HAO1: variants seen among roughly 807,000 people sequenced by gnomAD.
HAO1 encodes the protein hydroxyacid oxidase 1.
Under a neutral mutation model 39.7 loss-of-function variants are expected in HAO1, and 34 were observed. The observed-to-expected ratio is 0.86, with a 90% CI of 0.65 to 1.14. HAO1 has a LOEUF of 1.14. HAO1 is among the 50% of genes most tolerant of loss of function. The probability of loss-of-function intolerance (pLI) is 0.00; values close to 1 mark genes in which losing one functional copy is unlikely to be tolerated. For missense variants in HAO1, 479 were observed against 464.5 expected (o/e 1.03, Z -0.29); for synonymous variants, 172 against 173.2 (o/e 0.99, Z 0.05).
chr20:7,912,249 A>C (rs904452806), intron 3 of HAO1, among the ~76,000 whole-genome samples: 1 of 152,148 alleles, frequency 6.6e-6, no homozygotes, highest in Non-Finnish European at 1.5e-5. Context: ...GGGGAAAGCA[A>C]ATCAACCTTC....
At chr20:7,896,111 C>A (rs773574754) in intron 4 of HAO1, among the ~76,000 whole-genome samples, 4 of 150,340 alleles carry the variant, frequency 2.7e-5, no homozygotes, top group Non-Finnish European at 4.4e-5. Context: ...CATCTCTAAT[C>A]ATGTTTTAAA....
chr20:7,919,135 C>T (rs1026183385), intron 2 of HAO1, among the ~76,000 whole-genome samples: 6 of 152,124 alleles, frequency 3.9e-5, no homozygotes, highest in Non-Finnish European at 8.8e-5. Flanking sequence ...ATGAAGTTCC[C>T]TAATGTTGAT....
chr20:7,884,231 A>G (rs1384266613), intron 7 of HAO1, among the ~76,000 whole-genome samples: 1 of 152,202 alleles, frequency 6.6e-6, no homozygotes, highest in African/African-American at 2.4e-5. Context: ...CTTTCAGCAA[A>G]TATGTATTGT....
rs1043146764 is a variant in HAO1 at position 7,895,349 on chromosome 20, A to C, written c.722-125T>G. 6 of 653,360 alleles carry C rather than the reference A, an allele frequency of 9.2e-6. No individual in the cohort carries two copies. In the South Asian group the frequency reaches 1.2e-4, roughly 13 times the overall value. The allele number at this position is 653,360 out of a possible 1,614,324, so 40.5% of individuals were successfully genotyped here. ...TCTGCATACCTGGGTCAATAATCTT[A>C]GCATAAAAGTATACCCTAGGGTTAG... On this transcript the variant is annotated intron_variant, in intron 4 of 7. Transcript: ENST00000378789.
chr20:7,935,585 C>T (rs2050406394), intron 1 of HAO1, among the ~76,000 whole-genome samples: 1 of 152,132 alleles, frequency 6.6e-6, no homozygotes, highest in South Asian at 2.1e-4. Flanking sequence ...TAATTTAACA[C>T]TTTTCTCAAA....
chr20:7,901,273 T>C (rs1402437790), intron 4 of HAO1, among the ~76,000 whole-genome samples: 1 of 152,158 alleles, frequency 6.6e-6, no homozygotes, highest in Non-Finnish European at 1.5e-5. Flanking sequence ...CTGAACAACA[T>C]ATTTTCAATG....
chr20:7,925,643 G>C (rs933490049), intron 2 of HAO1, among the ~76,000 whole-genome samples: 1 of 152,148 alleles, frequency 6.6e-6, no homozygotes, highest in African/African-American at 2.4e-5. Flanking sequence ...GGAGTATTGA[G>C]TTTGCACACA....
At chr20:7,939,183 AC>A (rs112567209) in intron 1 of HAO1, among the ~76,000 whole-genome samples, 12 of 152,106 alleles carry the variant, frequency 7.9e-5, no homozygotes, top group African/African-American at 2.9e-4. Flanking sequence ...CCTTCCCATG[AC>A]TTCCCTGGCA....
chr20:7,889,031 C>A (rs536287949), intron 5 of HAO1, among the ~76,000 whole-genome samples: 1 of 152,262 alleles, frequency 6.6e-6, no homozygotes, highest in South Asian at 2.1e-4. Context: ...ACCAGAAAAA[C>A]ACTGAGCAGA....
At chr20:7,927,775 A>G (rs112375592) in intron 2 of HAO1, among the ~76,000 whole-genome samples, 1,991 of 152,364 alleles carry the variant, frequency 0.013, 38 homozygotes, top group African/African-American at 0.043. Context: ...TTAAGATGAT[A>G]GCATAGTGCT....
chr20:7,883,443 T>A lies in HAO1; in HGVS notation c.*150A>T. ...CATTGAAAAGTCAAAAGCAATGAAA[T>A]AAAAGGGATTGCTATTTTGTTGGAA... On this transcript the variant is annotated 3_prime_UTR_variant, in exon 8 of 8. Transcript: ENST00000378789. The A allele has an allele frequency of 1.5e-6, 1 of 648,592 alleles. No homozygotes were observed. The highest frequency in any genetic ancestry group is 1.9e-5 in the South Asian group (1 of 53,664). The allele number at this position is 648,592 out of a possible 1,614,324, so 40.2% of individuals were successfully genotyped here.
chr20:7,931,787 T>C (rs1346959853), intron 2 of HAO1, among the ~76,000 whole-genome samples: 1 of 152,046 alleles, frequency 6.6e-6, no homozygotes, highest in East Asian at 1.9e-4. Context: ...TCAGCCCAAC[T>C]CCACCAAGAA....
chr20:7,911,641 G>A (rs2050279994), intron 3 of HAO1, among the ~76,000 whole-genome samples: 1 of 152,120 alleles, frequency 6.6e-6, no homozygotes, highest in Admixed American at 6.5e-5. Context: ...ACCAAGCAGA[G>A]ACTACCAAAC....
chr20:7,933,930 A>G (rs951985723), intron 2 of HAO1, among the ~76,000 whole-genome samples: 4 of 152,320 alleles, frequency 2.6e-5, no homozygotes, highest in South Asian at 2.1e-4. Context: ...TCCATAAAAA[A>G]GAATCATGAC....
At chr20:7,931,605 G>A (rs978557864) in intron 2 of HAO1, among the ~76,000 whole-genome samples, 1 of 152,130 alleles carries the variant, frequency 6.6e-6, no homozygotes, top group Non-Finnish European at 1.5e-5. Context: ...TTAAAATAGT[G>A]TCTGGAACAT....
At chr20:7,910,560 G>A (rs1032319243) in intron 3 of HAO1, among the ~76,000 whole-genome samples, 6 of 152,008 alleles carry the variant, frequency 3.9e-5, no homozygotes, top group African/African-American at 1.2e-4. Flanking sequence ...CCTGGTTCCT[G>A]ACCACATCAT....
At chr20:7,896,892 A>G (rs902982108) in intron 4 of HAO1, among the ~76,000 whole-genome samples, 1 of 152,162 alleles carries the variant, frequency 6.6e-6, no homozygotes, top group Non-Finnish European at 1.5e-5. Context: ...CACAAGACAT[A>G]ATGTCTGCCT....
rs187227544 is a variant in HAO1, at chr20:7,914,389, A to C, written c.320T>G (p.Leu107Trp). The C allele has an allele frequency of 1.9e-6, 3 of 1,613,928 alleles. No individual in the cohort carries two copies. The East Asian group carries it at 6.7e-5, about 36-fold the overall frequency. ...AATTGAGGAGGTGGCCCAGGAACTC[A>C]ACATCATGCCCGTTCCCAGGGACTG... ...ACQSLGTGMM[L>W]SSWATSSIEE... Residue 107 changes from leucine to tryptophan, a missense_variant, in exon 3 of 8, where the codon TTG becomes TGG. By Grantham distance (61) the Leu-to-Trp change is moderately conservative. Transcript: ENST00000378789.
intron 5 of HAO1, among the ~76,000 whole-genome samples, chr20:7,891,437 T>G (rs2122752330): frequency 6.6e-6 from 1 of 152,298 alleles, no homozygotes; most frequent in East Asian, 1.9e-4. Flanking sequence ...AGATTCTGGA[T>G]ATTTGTTTTT....
Sources: allele counts gnomAD v4.1 joint callset (sites outside exome capture counted in the v4.1 genomes callset), GRCh38; gene constraint gnomAD v4.1.1; transcripts MANE v1.5; gene names NCBI Gene and HGNC (gene_info 2026-07-23, HGNC 2026-07-21).